TMCO5A: variants seen among roughly 807,000 people sequenced by gnomAD.
TMCO5A encodes transmembrane and coiled-coil domains 5A.
Under a neutral mutation model 42.3 loss-of-function variants are expected in TMCO5A, and 34 were observed. The observed-to-expected ratio is 0.80, with a 90% CI of 0.61 to 1.07. The LOEUF is 1.07. Among genes scored for constraint, TMCO5A ranks in the 50% least tolerant of loss-of-function variants. The pLI is 0.00. For synonymous variants in TMCO5A, 131 were observed against 115.6 expected (o/e 1.13, Z -0.86); for missense variants, 357 against 327.9 (o/e 1.09, Z -0.69).
At chr15:37,951,840 T>A (rs1890167370), downstream of TMCO5A, among the ~76,000 whole-genome samples, 1 of 152,084 alleles carries the variant, frequency 6.6e-6, no homozygotes, top group East Asian at 1.9e-4. Flanking sequence ...AACTTCATAT[T>A]GCTGAGACAC....
At chr15:37,949,397 A>G (rs570422708) in intron 11 of TMCO5A, among the ~76,000 whole-genome samples, 17 of 152,268 alleles carry the variant, frequency 1.1e-4, no homozygotes, top group African/African-American at 3.6e-4. Context: ...AATAACCTGG[A>G]CAGTTTTAAA....
the TMCO5A span, among the ~76,000 whole-genome samples, chr15:38,029,445 T>C: frequency 6.6e-6 from 1 of 151,482 alleles, no homozygotes; most frequent in African/African-American, 2.4e-5. Context: ...CTGAGAAGCA[T>C]AATCCACAAA....
At chr15:37,955,007 G>A (rs1019510891), downstream of TMCO5A, among the ~76,000 whole-genome samples, 3 of 151,648 alleles carry the variant, frequency 2.0e-5, no homozygotes, top group African/African-American at 7.3e-5. Flanking sequence ...ACCTTTACTA[G>A]AAGGAAGACA....
chr15:38,013,075 G>A, the TMCO5A span, among the ~76,000 whole-genome samples: 3 of 152,108 alleles, frequency 2.0e-5, no homozygotes, highest in Non-Finnish European at 4.4e-5. Context: ...GGCAGACAGA[G>A]AACCACCACT....
chr15:38,028,206 C>T, the TMCO5A span, among the ~76,000 whole-genome samples: 1 of 152,076 alleles, frequency 6.6e-6, no homozygotes, highest in Non-Finnish European at 1.5e-5. Flanking sequence ...CCTGTTTTCA[C>T]TTTCTTCATC....
At chr15:37,938,768 G>C (rs191089915) in intron 6 of TMCO5A, among the ~76,000 whole-genome samples, 97 of 152,124 alleles carry the variant, frequency 6.4e-4, no homozygotes, top group Middle Eastern at 3.4e-3. Context: ...ATCTAGAAAA[G>C]GGTTCAATTA....
rs1890137031 is a variant in TMCO5A, at chr15:37,951,030, T to G, written c.669-6T>G. 5.0e-6 allele frequency: 8 copies of G among 1,610,678 alleles called. No homozygotes were observed. Among genetic ancestry groups the G allele is most frequent in the Non-Finnish European group, 6.8e-6 (8 of 1,179,382 alleles). On this transcript the variant is annotated splice_region_variant and splice_polypyrimidine_tract_variant and intron_variant, in intron 11 of 11. Transcript: ENST00000319669. ...GGTTAACAGTTTCATGGCATTCTCTTTTTAGGATTTTTTGCTGTCTCTTTT... is the reference window on the plus strand; with the variant it reads ...GGTTAACAGTTTCATGGCATTCTCTGTTTAGGATTTTTTGCTGTCTCTTTT...
the TMCO5A span, among the ~76,000 whole-genome samples, chr15:38,009,122 A>C: frequency 6.6e-6 from 1 of 152,242 alleles, no homozygotes; most frequent in African/African-American, 2.4e-5. Context: ...ATAGCATGGC[A>C]AATGCTGAAC....
intron 11 of TMCO5A, among the ~76,000 whole-genome samples, chr15:37,958,381 A>C (rs1364896664): frequency 7.2e-6 from 1 of 139,574 alleles, no homozygotes; most frequent in African/African-American, 2.8e-5. Context: ...AAAGAACTTA[A>C]ACAATTTACA....
the TMCO5A span, among the ~76,000 whole-genome samples, chr15:38,001,739 G>A: frequency 3.6e-4 from 55 of 152,014 alleles, no homozygotes; most frequent in Non-Finnish European, 5.3e-4. Flanking sequence ...TTTAGACTAA[G>A]CTCAACTTAA....
the TMCO5A span, among the ~76,000 whole-genome samples, chr15:38,021,363 C>T: frequency 6.6e-6 from 1 of 152,190 alleles, no homozygotes; most frequent in Non-Finnish European, 1.5e-5. Flanking sequence ...TCCAGGTCTG[C>T]GTGCAGCTCT....
intron 8 of TMCO5A, 66 bp downstream of exon 8, chr15:37,941,796 T>C: frequency 7.2e-7 from 1 of 1,393,284 alleles, no homozygotes; most frequent in Non-Finnish European, 1.0e-6. Context: ...AGAACAAGGA[T>C]TTTCAAAGAC....
At chr15:38,025,522 G>T in the TMCO5A span, among the ~76,000 whole-genome samples, 3 of 151,956 alleles carry the variant, frequency 2.0e-5, no homozygotes, top group Non-Finnish European at 4.4e-5. Context: ...GAGGAATAGG[G>T]AAAAATACAA....
the TMCO5A span, among the ~76,000 whole-genome samples, chr15:37,986,963 T>C: frequency 1.5e-4 from 23 of 152,172 alleles, no homozygotes; most frequent in South Asian, 4.6e-3. Flanking sequence ...CTATTTTGAA[T>C]TTTTTAAGGA....
the TMCO5A span, among the ~76,000 whole-genome samples, chr15:38,025,980 C>T: frequency 1.1e-4 from 16 of 152,302 alleles, no homozygotes; most frequent in African/African-American, 3.8e-4. Context: ...TCTGAGGCCT[C>T]CCCAGCCTTG....
intron 10 of TMCO5A, among the ~76,000 whole-genome samples, chr15:37,945,177 C>T (rs1273643727): frequency 2.6e-5 from 4 of 152,020 alleles, no homozygotes. Context: ...GCTTCCAATA[C>T]CACCCATGTC....
the TMCO5A span, among the ~76,000 whole-genome samples, chr15:38,016,716 C>A: frequency 1.3e-5 from 2 of 152,126 alleles, no homozygotes; most frequent in South Asian, 4.1e-4. Flanking sequence ...ATGGAATGCT[C>A]CTGCTTTAAA....
downstream of TMCO5A, among the ~76,000 whole-genome samples, chr15:37,955,752 A>C (rs1204021377): frequency 6.6e-6 from 1 of 152,182 alleles, no homozygotes; most frequent in Non-Finnish European, 1.5e-5. Context: ...GATCTAATAG[A>C]CATCTACAGA....
At chr15:37,967,498 G>T (rs1309080299) in exon 12 of TMCO5A, 1 of 152,116 alleles carries the variant, frequency 6.6e-6, no homozygotes, top group African/African-American at 2.4e-5. Flanking sequence ...AATCCAAACT[G>T]AGATTACTTT....
Sources: gnomAD v4.1 joint callset for allele counts (sites outside exome capture counted in the v4.1 genomes callset) on GRCh38, gnomAD v4.1.1 for gene constraint, MANE v1.5 for transcripts, NCBI Gene and HGNC (gene_info 2026-07-23, HGNC 2026-07-21) for gene names.